Variants in ZNF843 observed in about 807,000 individuals in gnomAD.
ZNF843 encodes zinc finger protein 843.
For missense variants in ZNF843, 482 were observed against 469.4 expected (o/e 1.03, Z -0.25); for synonymous variants, 185 against 207.7 (o/e 0.89, Z 0.94).
Position 31,442,715 on chromosome 16 carries a change from G to A in ZNF843, c.-415C>T, listed in dbSNP as rs2082205968. The A allele has an allele frequency of 1.3e-5, 2 of 152,248 alleles. No homozygotes were observed. Among genetic ancestry groups the A allele is most frequent in the African/African-American group, 2.4e-5 (1 of 41,454 alleles). The allele number at this position is 152,248 out of a possible 1,614,324, so 9.4% of individuals were successfully genotyped here. On this transcript the variant is annotated 5_prime_UTR_variant, in exon 1 of 2. Transcript: ENST00000315678. ...AGCCGGGAGCGCCCCTGCCCCGCGA[G>A]CCGCCCCCGAGAGACACGGCGGATC...
At chr16:31,440,795 T>C (rs778101628) in intron 1 of ZNF843, among the ~76,000 whole-genome samples, 37 of 152,212 alleles carry the variant, frequency 2.4e-4, no homozygotes, top group Non-Finnish European at 8.8e-5. Flanking sequence ...AGCCCATTCA[T>C]GGTCTTGAGG....
At position 31,435,757 on chromosome 16, in the gene ZNF843, C is replaced by T. The variant is rs1209949926; in HGVS notation, c.*46G>A. The T allele has an allele frequency of 7.0e-7, 1 of 1,434,984 alleles. No homozygotes were observed. 88.9% of individuals were successfully genotyped at this position (1,434,984 alleles called of 1,614,324 possible). A position where few individuals can be genotyped will look rare whatever the true frequency, so the allele number is the denominator to read the frequency against. ...GACTGCATCTCAGATCCACAGTCCA[C>T]CGGCGGCTGCAACAATTCCACCCAG... On this transcript the variant is annotated 3_prime_UTR_variant, in exon 2 of 2. Transcript: ENST00000315678.
At chr16:31,441,129 A>G (rs1409427234) in intron 1 of ZNF843, among the ~76,000 whole-genome samples, 1 of 152,164 alleles carries the variant, frequency 6.6e-6, no homozygotes, top group African/African-American at 2.4e-5. Context: ...GGCAGTGCTT[A>G]CTGTTTTCAC....
chr16:31,435,487 C>T lies in ZNF843; in HGVS notation c.*316G>A, dbSNP rs1344308986. On this transcript the variant is annotated 3_prime_UTR_variant, in exon 2 of 2. Transcript: ENST00000315678. ...TTTATTTCACAGAGATGCGGTCTCG[C>T]TAGGCTGCCCAGGCTAGTCTCAAAT... The T allele has an allele frequency of 3.4e-5, 8 of 233,742 alleles. No individual in the cohort carries two copies. The highest frequency in any genetic ancestry group is 6.6e-5 in the Non-Finnish European group (8 of 121,568). The allele number at this position is 233,742 out of a possible 1,614,324, so 14.5% of individuals were successfully genotyped here.
rs2082177941 is a variant in ZNF843, at chr16:31,435,951, G to A, written c.899C>T (p.Ala300Val). The change falls in exon 2 of 2, where the codon GCG becomes GTG. Residue 300 changes from alanine to valine, a missense_variant. By Grantham distance (64) the Ala-to-Val change is moderately conservative. Coordinates refer to ENST00000315678, the MANE Select transcript of ZNF843 (RefSeq NM_001136509.3). ...CCTGGCCTCGCCGAGCGGTCCGGCCGCTCTGTGCTGCGAGGCCTTCCGGGC... is the reference window on the plus strand; with the variant it reads ...CCTGGCCTCGCCGAGCGGTCCGGCCACTCTGTGCTGCGAGGCCTTCCGGGC... ...EPARKASQHR[A>V]AGPLGEARAR... The A allele has an allele frequency of 1.3e-6, 2 of 1,537,882 alleles. No homozygotes were observed. Among genetic ancestry groups the A allele is most frequent in the Middle Eastern group, 1.8e-4 (1 of 5,710 alleles).
chr16:31,439,013 A>AG (rs1309822784), intron 1 of ZNF843, among the ~76,000 whole-genome samples: 2 of 39,572 alleles, frequency 5.1e-5, no homozygotes, highest in Non-Finnish European at 9.5e-5. Context: ...GGGTGGGGGG[A>AG]GGGGGGAGGG....
At chr16:31,437,557 G>C (rs2082187875) in intron 1 of ZNF843, among the ~76,000 whole-genome samples, 1 of 149,378 alleles carries the variant, frequency 6.7e-6, no homozygotes, top group African/African-American at 2.5e-5. Context: ...TGGCCCACCT[G>C]GGCCACCCAA....
chr16:31,437,384 A>T lies in ZNF843; in HGVS notation c.-335-200T>A, dbSNP rs115293943. Among the ~76,000 whole-genome samples the T allele has an allele frequency of 3.9e-3, 550 of 141,708 alleles. 3 individuals are homozygous for T. Among genetic ancestry groups the T allele is most frequent in the African/African-American group, 0.014 (516 of 37,566 alleles). 93.0% of individuals were successfully genotyped at this position (141,708 alleles called of 152,430 possible). The stretch of plus-strand genomic sequence containing the variant: ...AGTAGTACGATCTCTGATCACTGCA[A>T]CCTTTGCCTCTCTGGCTCAAGTGAT... On this transcript the variant is annotated intron_variant, in intron 1 of 1. Coordinates refer to ENST00000315678, the MANE Select transcript of ZNF843 (RefSeq NM_001136509.3).
chr16:31,441,930 A>G (rs1414354716), intron 1 of ZNF843, among the ~76,000 whole-genome samples: 2 of 152,330 alleles, frequency 1.3e-5, no homozygotes, highest in African/African-American at 2.4e-5. Flanking sequence ...TGAGAAAGCA[A>G]ACGGGGCGTG....
At chr16:31,442,993 T>A (rs1405846620), upstream of ZNF843, 2 of 152,272 alleles carry the variant, frequency 1.3e-5, no homozygotes, top group Non-Finnish European at 2.9e-5. Context: ...CCCCGACCTG[T>A]CCCCTGGCCC....
Position 31,435,848 on chromosome 16 carries a change from C to A in ZNF843, c.1002G>T (p.Pro334=). The change falls in exon 2 of 2, where the codon CCG becomes CCT. Residue 334 remains proline, a synonymous_variant. Transcript: ENST00000315678. ...ACCTCCGGCTGGAGGCCTTCCACAC[C>A]GGAAACACTGGTAGGGCTCCTCTCC... is the stretch of plus-strand genomic sequence containing the variant. ...PHWRGALPVF[P]VWKASSRRSN... The A allele has an allele frequency of 1.3e-6, 2 of 1,483,170 alleles. No individual in the cohort carries two copies. Among genetic ancestry groups the A allele is most frequent in the African/African-American group, 1.4e-5 (1 of 70,960 alleles). 91.9% of individuals were successfully genotyped at this position (1,483,170 alleles called of 1,614,324 possible). A position where few individuals can be genotyped will look rare whatever the true frequency, so the allele number is the denominator to read the frequency against.
In ZNF843 at chr16:31,435,874, A is replaced by T. The variant is rs1170891196; in HGVS notation, c.976T>A (p.Trp326Arg). ...GGAAACACTGGTAGGGCTCCTCTCC[A>T]GTGTGGGTTCGAGGGCGGTGGAGGA... ...RAPPPPSNPH[W>R]RGALPVFPVW... The change falls in exon 2 of 2, where the codon TGG becomes AGG. Residue 326 changes from tryptophan (W) to arginine (R), a missense_variant. Physicochemically the swap from Trp to Arg is moderately radical, Grantham distance 101. Coordinates refer to ENST00000315678, the MANE Select transcript of ZNF843 (RefSeq NM_001136509.3). The T allele has an allele frequency of 6.5e-7, 1 of 1,531,310 alleles. No individual in the cohort carries two copies. The highest frequency in any genetic ancestry group is 1.2e-5 in the South Asian group (1 of 81,136). The allele number at this position is 1,531,310 out of a possible 1,614,324, so 94.9% of individuals were successfully genotyped here.
Position 31,436,710 on chromosome 16 carries a change from G to C in ZNF843, c.140C>G (p.Ser47Cys), listed in dbSNP as rs2082183439. 1 of 1,551,558 alleles carries C rather than the reference G, an allele frequency of 6.4e-7. No homozygotes were observed. Among genetic ancestry groups the C allele is most frequent in the Admixed American group, 2.0e-5 (1 of 50,994 alleles). ...ACGRGFTQSA[S>C]LLQHWRVHSD... ...GTGGACCCGCCAGTGCTGGAGGAGG[G>C]ATGCGCTCTGAGTAAAACCCCTCCC... is the stretch of plus-strand genomic sequence containing the variant. The change falls in exon 2 of 2, where the codon TCC (serine) becomes TGC (cysteine). Residue 47 changes from serine to cysteine, a missense_variant. By Grantham distance (112) the Ser-to-Cys change is moderately radical. Coordinates refer to ENST00000315678, the MANE Select transcript of ZNF843 (RefSeq NM_001136509.3).
In ZNF843 at chr16:31,435,971, C is replaced by T; in HGVS notation, c.879G>A (p.Arg293=). The change falls in exon 2 of 2, where the codon CGG becomes CGA. Residue 293 remains arginine (R), a synonymous_variant. Transcript: ENST00000315678. ...CGGCCGCTCTGTGCTGCGAGGCCTTCCGGGCTGGCTCAGGGTAGCCTGGGG... is the reference window on the plus strand; with the variant it reads ...CGGCCGCTCTGTGCTGCGAGGCCTTTCGGGCTGGCTCAGGGTAGCCTGGGG... ...VQAPGYPEPA[R]KASQHRAAGP... 1 of 1,527,192 alleles carries T rather than the reference C, an allele frequency of 6.5e-7. No homozygotes were observed. Among genetic ancestry groups the T allele is most frequent in the Non-Finnish European group, 8.8e-7 (1 of 1,134,230 alleles). The allele number at this position is 1,527,192 out of a possible 1,614,324, so 94.6% of individuals were successfully genotyped here.
Position 31,435,938 on chromosome 16 carries a change from G to A in ZNF843, c.912C>T (p.Leu304=), listed in dbSNP as rs1197562078. Residue 304 remains leucine (L), a synonymous_variant, in exon 2 of 2, where the codon CTC becomes CTT. Coordinates refer to ENST00000315678, the MANE Select transcript of ZNF843 (RefSeq NM_001136509.3). ...GCTGAAGCCTGGCCCTGGCCTCGCC[G>A]AGCGGTCCGGCCGCTCTGTGCTGCG... ...KASQHRAAGP[L]GEARARLQRQ... 6 of 1,542,736 alleles carry A rather than the reference G, an allele frequency of 3.9e-6. No individual in the cohort carries two copies. In the South Asian group the frequency reaches 4.8e-5, roughly 12 times the overall value.
intron 1 of ZNF843, among the ~76,000 whole-genome samples, chr16:31,438,091 G>A (rs570391173): frequency 2.6e-5 from 4 of 152,324 alleles, no homozygotes; most frequent in Admixed American, 2.6e-4. Flanking sequence ...GCTGAGGCCA[G>A]AGGATCCTTG....
chr16:31,436,975 A>G lies in ZNF843; in HGVS notation c.-126T>C. ...GGCCACGAGCTCACAGTCTGGGAGC[A>G]GCACCCGGCCCCAGGCCTCGGGGGC... On this transcript the variant is annotated 5_prime_UTR_variant, in exon 2 of 2. Coordinates refer to ENST00000315678, the MANE Select transcript of ZNF843 (RefSeq NM_001136509.3). 2.2e-6 allele frequency: 2 copies of G among 905,772 alleles called. No homozygotes were observed. The highest frequency in any genetic ancestry group is 3.3e-6 in the Non-Finnish European group (2 of 604,288). The allele number at this position is 905,772 out of a possible 1,614,324, so 56.1% of individuals were successfully genotyped here.
Position 31,435,517 on chromosome 16 carries a change from C to T in ZNF843, c.*286G>A. ...CTGCCCAGGCTAGTCTCAAATTCTTCGGGCTCACGCGATCCTCCCACCTCG... is the reference window on the plus strand; with the variant it reads ...CTGCCCAGGCTAGTCTCAAATTCTTTGGGCTCACGCGATCCTCCCACCTCG... On this transcript the variant is annotated 3_prime_UTR_variant, in exon 2 of 2. Coordinates refer to ENST00000315678, the MANE Select transcript of ZNF843 (RefSeq NM_001136509.3). 1 of 284,748 alleles carries T rather than the reference C, an allele frequency of 3.5e-6. No individual in the cohort carries two copies. The highest frequency in any genetic ancestry group is 6.5e-6 in the Non-Finnish European group (1 of 153,626). The allele number at this position is 284,748 out of a possible 1,614,324, so 17.6% of individuals were successfully genotyped here.
rs772779592 is a variant in ZNF843 at position 31,442,762 on chromosome 16, C to T, written c.-462G>A. The T allele has an allele frequency of 6.6e-6, 1 of 152,166 alleles. No individual in the cohort carries two copies. Among genetic ancestry groups the T allele is most frequent in the Non-Finnish European group, 1.5e-5 (1 of 68,052 alleles). The allele number at this position is 152,166 out of a possible 1,614,324, so 9.4% of individuals were successfully genotyped here. A position where few individuals can be genotyped will look rare whatever the true frequency, so the allele number is the denominator to read the frequency against. On this transcript the variant is annotated 5_prime_UTR_variant, in exon 1 of 2. Coordinates refer to ENST00000315678, the MANE Select transcript of ZNF843 (RefSeq NM_001136509.3). ...GATCGGAACCCAGCCGGGCGCGTAG[C>T]TCCGGGAAGGGGACGTGGCGAGGAC...
Sources: allele counts gnomAD v4.1 joint callset (sites outside exome capture counted in the v4.1 genomes callset), GRCh38; gene constraint gnomAD v4.1.1; transcripts MANE v1.5; gene names NCBI Gene and HGNC (gene_info 2026-07-23, HGNC 2026-07-21).